CNTNAP5: variants seen among roughly 807,000 people sequenced by gnomAD.
CNTNAP5 encodes contactin-associated protein-like 5.
CNTNAP5 carries 72 observed loss-of-function variants against 150.2 expected under a neutral mutation model. That is an observed-to-expected ratio of 0.48 (90% confidence interval 0.40 to 0.58). The LOEUF is 0.58. Ranked by LOEUF, CNTNAP5 falls within the 20% of genes least tolerant of loss-of-function variation. CNTNAP5 has a pLI of 0.00. For missense variants in CNTNAP5, 1,636 were observed against 1,626.2 expected (o/e 1.01, Z -0.10); for synonymous variants, 672 against 619.8 (o/e 1.08, Z -1.25).
At chr2:124,441,001 G>T (rs544889166) in intron 5 of CNTNAP5, among the ~76,000 whole-genome samples, 1 of 152,058 alleles carries the variant, frequency 6.6e-6, no homozygotes. Context: ...GAAATTTCTA[G>T]GGAAAATGAA....
intron 16 of CNTNAP5, among the ~76,000 whole-genome samples, chr2:124,768,278 T>C: frequency 8.2e-6 from 1 of 121,564 alleles, no homozygotes; most frequent in East Asian, 2.1e-4. Flanking sequence ...TGTATGTGTG[T>C]GTGTGTGTGT....
intron 8 of CNTNAP5, among the ~76,000 whole-genome samples, chr2:124,523,970 T>C (rs1045283936): frequency 3.9e-5 from 6 of 152,146 alleles, no homozygotes; most frequent in Non-Finnish European, 1.5e-5. Context: ...TTGTTTTTTT[T>C]TTTTCCTCTG....
At chr2:124,070,396 G>GGAA (rs761771947) in intron 1 of CNTNAP5, among the ~76,000 whole-genome samples, 18 of 72,960 alleles carry the variant, frequency 2.5e-4, no homozygotes, top group South Asian at 5.4e-4. Flanking sequence ...GCTGAATGGG[G>GGAA]AAAAAAAAAA....
chr2:124,053,783 T>C (rs1681773456), intron 1 of CNTNAP5, among the ~76,000 whole-genome samples: 1 of 152,194 alleles, frequency 6.6e-6, no homozygotes, highest in Non-Finnish European at 1.5e-5. Context: ...AATGTTGCAT[T>C]ACTAGGAGAT....
chr2:124,156,545 G>A (rs554634285), intron 1 of CNTNAP5, among the ~76,000 whole-genome samples: 5 of 152,268 alleles, frequency 3.3e-5, no homozygotes, highest in African/African-American at 1.2e-4. Context: ...GCCCAGGCTG[G>A]ATTGCAATGC....
At chr2:124,456,167 C>T (rs1395622942) in intron 6 of CNTNAP5, among the ~76,000 whole-genome samples, 2 of 152,112 alleles carry the variant, frequency 1.3e-5, no homozygotes, top group Non-Finnish European at 1.5e-5. Flanking sequence ...CTAGACAACC[C>T]TAAAGACTCA....
chr2:124,038,648 A>G (rs566888297), intron 1 of CNTNAP5, among the ~76,000 whole-genome samples: 1 of 152,334 alleles, frequency 6.6e-6, no homozygotes, highest in East Asian at 1.9e-4. Context: ...AATCTTACAT[A>G]TGATTTTAAT....
At chr2:124,732,668 C>T (rs567217842) in intron 13 of CNTNAP5, among the ~76,000 whole-genome samples, 26 of 152,118 alleles carry the variant, frequency 1.7e-4, no homozygotes, top group East Asian at 7.8e-4. Flanking sequence ...TTGTTATAGC[C>T]GGCCAAATAG....
At chr2:124,589,798 G>A (rs1203175005) in intron 11 of CNTNAP5, among the ~76,000 whole-genome samples, 3 of 152,156 alleles carry the variant, frequency 2.0e-5, no homozygotes, top group African/African-American at 7.2e-5. Flanking sequence ...TTAACCACAT[G>A]TAGACTTGCA....
chr2:124,792,408 G>C (rs116687850), intron 18 of CNTNAP5, among the ~76,000 whole-genome samples: 3,286 of 152,004 alleles, frequency 0.022, 118 homozygotes, highest in African/African-American at 0.076. Flanking sequence ...GCTTGTTTTT[G>C]GTTCATTTTT....
At chr2:124,694,138 C>G (rs1219159783) in intron 13 of CNTNAP5, among the ~76,000 whole-genome samples, 1 of 152,186 alleles carries the variant, frequency 6.6e-6, no homozygotes, top group Non-Finnish European at 1.5e-5. Context: ...GAGCTTCCCC[C>G]TCTTTAGTGA....
chr2:124,225,649 T>C (rs1462271898), intron 2 of CNTNAP5, among the ~76,000 whole-genome samples: 2 of 152,178 alleles, frequency 1.3e-5, no homozygotes, highest in Admixed American at 1.3e-4. Context: ...ACACAAGACC[T>C]ACTCTCAGCA....
At chr2:124,625,243 C>T (rs1230920893) in intron 12 of CNTNAP5, among the ~76,000 whole-genome samples, 1 of 152,194 alleles carries the variant, frequency 6.6e-6, no homozygotes, top group African/African-American at 2.4e-5. Flanking sequence ...CCGTGTCCGT[C>T]ACTTTCCTCA....
At chr2:124,799,435 A>G (rs1416097405) in intron 19 of CNTNAP5, among the ~76,000 whole-genome samples, 1 of 152,200 alleles carries the variant, frequency 6.6e-6, no homozygotes, top group Non-Finnish European at 1.5e-5. Flanking sequence ...CAACAGTATG[A>G]TATAAAAAAC....
chr2:124,463,544 G>A (rs1269376863), intron 6 of CNTNAP5, among the ~76,000 whole-genome samples: 12 of 152,140 alleles, frequency 7.9e-5, no homozygotes, highest in South Asian at 2.1e-4. Flanking sequence ...CATGCGTGGC[G>A]TCTGCTGCTA....
chr2:124,846,342 A>C (rs1011145469), intron 19 of CNTNAP5, among the ~76,000 whole-genome samples: 9 of 152,104 alleles, frequency 5.9e-5, no homozygotes, highest in Non-Finnish European at 1.2e-4. Context: ...AGCTGTGAAG[A>C]TCTTTCTCCC....
rs1678820575 is a variant in CNTNAP5, at chr2:124,918,940, A to G, written c.*4652A>G. On this transcript the variant is annotated 3_prime_UTR_variant, in exon 24 of 24. Coordinates refer to ENST00000682447, the MANE Select transcript of CNTNAP5 (RefSeq NM_001367498.1). Reference sequence around the variant, plus strand: ...AGTTTGAACATGTTTTCTTTAAAATACACATAATGTAATTGAATTATTTCT... The same window carrying G: ...AGTTTGAACATGTTTTCTTTAAAATGCACATAATGTAATTGAATTATTTCT... Among the ~76,000 whole-genome samples the G allele has an allele frequency of 6.6e-6, 1 of 152,108 alleles. No homozygotes were observed.
chr2:124,806,023 G>A (rs1014775729), intron 19 of CNTNAP5, among the ~76,000 whole-genome samples: 4 of 152,166 alleles, frequency 2.6e-5, no homozygotes, highest in African/African-American at 4.8e-5. Context: ...TGAATCTTGT[G>A]GAGACACAAA....
Position 124,869,770 on chromosome 2 carries a change from G to T in CNTNAP5, c.3436+8G>T, listed in dbSNP as rs1191257965. 1 of 1,532,204 alleles carries T rather than the reference G, an allele frequency of 6.5e-7. No individual in the cohort carries two copies. The highest frequency in any genetic ancestry group is 1.4e-5 in the African/African-American group (1 of 73,342). 94.9% of individuals were successfully genotyped at this position (1,532,204 alleles called of 1,614,324 possible). ...CCTTGGGCAAAGTCACAGGTATGTT[G>T]TTCTAGTTCATACCTTTCCAGTGGG... On this transcript the variant is annotated splice_region_variant and intron_variant, in intron 21 of 23. Transcript: ENST00000682447.
Sources: gnomAD v4.1 joint callset for allele counts (sites outside exome capture counted in the v4.1 genomes callset) on GRCh38, gnomAD v4.1.1 for gene constraint, MANE v1.5 for transcripts, NCBI Gene and HGNC (gene_info 2026-07-23, HGNC 2026-07-21) for gene names.